The following EPS15L1 variants were observed in gnomAD, a reference collection of about 807,000 sequenced individuals.
EPS15L1 encodes the protein epidermal growth factor receptor substrate 15-like 1.
A neutral mutation model predicts 117.1 loss-of-function variants in EPS15L1; 43 were observed. That is an observed-to-expected ratio of 0.37 (90% confidence interval 0.29 to 0.47). The LOEUF (loss-of-function observed/expected upper bound fraction) is 0.47, where lower values mean the gene tolerates loss of function less well. EPS15L1 is among the 20% of genes least tolerant of loss of function. The probability of loss-of-function intolerance (pLI) is 0.99; values close to 1 mark genes in which losing one functional copy is unlikely to be tolerated. For missense variants in EPS15L1, 981 were observed against 1,164.0 expected (o/e 0.84, Z 2.29); for synonymous variants, 459 against 470.5 (o/e 0.98, Z 0.32).
intron 1 of EPS15L1, among the ~76,000 whole-genome samples, chr19:16,462,654 C>T (rs536231747): frequency 1.6e-4 from 25 of 152,108 alleles, no homozygotes; most frequent in Non-Finnish European, 2.2e-4. Context: ...GGTGACAAAG[C>T]GGGACTCCAC....
intron 1 of EPS15L1, among the ~76,000 whole-genome samples, chr19:16,448,195 A>G (rs1568460138): frequency 6.6e-6 from 1 of 152,190 alleles, no homozygotes; most frequent in Non-Finnish European, 1.5e-5. Flanking sequence ...CCGATTCACA[A>G]AAGGAAAGAT....
At chr19:16,382,645 A>T (rs948635873) in intron 21 of EPS15L1, among the ~76,000 whole-genome samples, 9 of 151,920 alleles carry the variant, frequency 5.9e-5, no homozygotes, top group Non-Finnish European at 1.3e-4. Context: ...TCAGGGCAGA[A>T]GAGGGTGAAA....
At chr19:16,455,813 C>T (rs1474817198) in intron 1 of EPS15L1, among the ~76,000 whole-genome samples, 2 of 152,188 alleles carry the variant, frequency 1.3e-5, no homozygotes, top group Non-Finnish European at 2.9e-5. Flanking sequence ...GCCCTCCTTC[C>T]ACTGGCTCCA....
chr19:16,417,479 G>T, intron 12 of EPS15L1, 73 bp downstream of exon 12: 1 of 1,308,590 alleles, frequency 7.6e-7, no homozygotes, highest in South Asian at 1.2e-5. Flanking sequence ...GTGAGCCTCT[G>T]ATATTTCCGA....
Position 16,418,013 on chromosome 19 carries a change from T to C in EPS15L1, c.1042A>G (p.Ile348Val). The C allele has an allele frequency of 1.2e-6, 2 of 1,614,210 alleles. No individual in the cohort carries two copies. Among genetic ancestry groups the C allele is most frequent in the Non-Finnish European group, 1.7e-6 (2 of 1,180,036 alleles). ...YFIQQKVSKG[I>V]DPPQVLSPDM... The stretch of plus-strand genomic sequence containing the variant: ...GGCGAGAGGACTTGAGGAGGGTCGA[T>C]GCCTTTACTGACCTTCTGCTGAATG... Residue 348 changes from isoleucine to valine, a missense_variant, in exon 11 of 24, where the codon ATC (isoleucine) becomes GTC (valine). Physicochemically the swap from Ile to Val is conservative, Grantham distance 29. Coordinates refer to ENST00000455140, the MANE Select transcript of EPS15L1 (RefSeq NM_001258374.3).
intron 1 of EPS15L1, among the ~76,000 whole-genome samples, chr19:16,460,321 C>T (rs1194627283): frequency 6.6e-6 from 1 of 152,106 alleles, no homozygotes; most frequent in Non-Finnish European, 1.5e-5. Flanking sequence ...CTCTTAGTCT[C>T]AGCTGTCATT....
chr19:16,406,822 C>T (rs1334531522), intron 13 of EPS15L1, among the ~76,000 whole-genome samples: 1 of 152,250 alleles, frequency 6.6e-6, no homozygotes, highest in Non-Finnish European at 1.5e-5. Context: ...TGGCCACATG[C>T]CGTGTACTGA....
In EPS15L1 at chr19:16,361,653, CAG is replaced by C. The variant is rs1439957755; in HGVS notation, c.2586+124_2586+125del. On this transcript the variant is annotated intron_variant, in intron 23 of 23. Coordinates refer to ENST00000455140, the MANE Select transcript of EPS15L1 (RefSeq NM_001258374.3). The stretch of plus-strand genomic sequence containing the variant: ...AGTGTAGAATAAATAACGCGAGGGA[CAG>C]AGAGTGTGAGGTACCAAGAGGCTAA... The C allele has an allele frequency of 6.1e-5, 87 of 1,428,722 alleles. 1 individual carries two copies. The East Asian group carries it at 1.7e-3, about 29-fold the overall frequency. The allele number at this position is 1,428,722 out of a possible 1,614,324, so 88.5% of individuals were successfully genotyped here.
intron 1 of EPS15L1, among the ~76,000 whole-genome samples, chr19:16,465,889 A>G (rs1196117497): frequency 1.3e-5 from 2 of 152,212 alleles, no homozygotes; most frequent in Non-Finnish European, 2.9e-5. Context: ...GGTGCAATGA[A>G]GAGGCCTGAA....
intron 18 of EPS15L1, among the ~76,000 whole-genome samples, chr19:16,393,406 G>A (rs2092501959): frequency 6.6e-6 from 1 of 151,854 alleles, no homozygotes; most frequent in Non-Finnish European, 1.5e-5. Flanking sequence ...CCAGCACTTT[G>A]GGAGACCAAG....
intron 16 of EPS15L1, chr19:16,401,006 G>A (rs899287534): frequency 2.8e-5 from 28 of 985,326 alleles, no homozygotes; most frequent in East Asian, 1.1e-4. Context: ...GTTGTGAGAC[G>A]GAAACACACA....
intron 22 of EPS15L1, among the ~76,000 whole-genome samples, chr19:16,367,206 C>T (rs764811924): frequency 1.3e-5 from 2 of 150,970 alleles, no homozygotes; most frequent in African/African-American, 4.9e-5. Context: ...GCACCTGGTT[C>T]GATGCCATCA....
At position 16,365,191 on chromosome 19, in the gene EPS15L1, G is replaced by A. The variant is rs930006877; in HGVS notation, c.2381-3207C>T. Reference sequence around the variant, plus strand: ...CCTGGGGCTGGGAGTGGCCCTGGAAGACGGTGTGGGGCATGGCGGCCACCC... The same window carrying A: ...CCTGGGGCTGGGAGTGGCCCTGGAAAACGGTGTGGGGCATGGCGGCCACCC... On this transcript the variant is annotated intron_variant, in intron 22 of 23. Coordinates refer to ENST00000455140, the MANE Select transcript of EPS15L1 (RefSeq NM_001258374.3). The surrounding 1 kb of genome is among the most constrained non-coding windows in gnomAD (Gnocchi z 4.9). Among the ~76,000 whole-genome samples, 4 of 152,258 alleles carry A rather than the reference G, an allele frequency of 2.6e-5. No homozygotes were observed. Among genetic ancestry groups the A allele is most frequent in the African/African-American group, 9.6e-5 (4 of 41,462 alleles).
At chr19:16,421,574 C>CA (rs1484654780) in intron 9 of EPS15L1, 98 bp from the exon 10 acceptor site, 43 of 1,279,058 alleles carry the variant, frequency 3.4e-5, no homozygotes, top group Non-Finnish European at 4.3e-5. Flanking sequence ...CTTCCATGCA[C>CA]ATTTGGCATC....
Position 16,386,250 on chromosome 19 carries a change from G to T in EPS15L1, c.2104-19C>A. 6.2e-7 allele frequency: 1 copy of T among 1,604,294 alleles called. No homozygotes were observed. The highest frequency in any genetic ancestry group is 1.3e-5 in the African/African-American group (1 of 74,526). On this transcript the variant is annotated intron_variant, in intron 19 of 23. Transcript: ENST00000455140. Reference sequence around the variant, plus strand: ...GGTCGAGCTAAATGAAAGGAGAGAGGAAAGAGTAAAAAGCAGTTCGTTGGT... The same window carrying T: ...GGTCGAGCTAAATGAAAGGAGAGAGTAAAGAGTAAAAAGCAGTTCGTTGGT...
chr19:16,362,510 T>C (rs2144634294), intron 22 of EPS15L1, among the ~76,000 whole-genome samples: 1 of 142,370 alleles, frequency 7.0e-6, no homozygotes, highest in Non-Finnish European at 1.6e-5. Context: ...AGGTTTAAGT[T>C]CTTTTTTTTT....
intron 16 of EPS15L1, chr19:16,400,788 G>C: frequency 1.0e-6 from 1 of 985,392 alleles, no homozygotes; most frequent in Non-Finnish European, 1.2e-6. Flanking sequence ...AAAATAACCA[G>C]AAAGGTAAAA....
At position 16,418,077 on chromosome 19, in the gene EPS15L1, C is replaced by T. The variant is rs768404054; in HGVS notation, c.978G>A (p.Gly326=). 2.5e-6 allele frequency: 4 copies of T among 1,614,076 alleles called. No homozygotes were observed. The highest frequency in any genetic ancestry group is 1.7e-4 in the Middle Eastern group (1 of 6,058). ...IWALADTRQT[G]KLSKDQFALA... The stretch of plus-strand genomic sequence containing the variant: ...ACGCGAATTGGTCTTTGCTTAACTT[C>T]CCCGTTTGCCTCGTATCGGCCAGGG... Residue 326 remains glycine, a synonymous_variant, in exon 11 of 24, where the codon GGG becomes GGA. Transcript: ENST00000455140.
intron 22 of EPS15L1, among the ~76,000 whole-genome samples, chr19:16,374,194 T>C (rs1256240181): frequency 6.6e-6 from 1 of 152,182 alleles, no homozygotes; most frequent in East Asian, 1.9e-4. Flanking sequence ...CCTCCCCGCC[T>C]TTCCTCTTCC....
Sources: allele counts gnomAD v4.1 joint callset (sites outside exome capture counted in the v4.1 genomes callset), GRCh38; gene constraint gnomAD v4.1.1; non-coding constraint Gnocchi (gnomAD v3.1); transcripts MANE v1.5; gene names NCBI Gene and HGNC (gene_info 2026-07-23, HGNC 2026-07-21).